The following PHLDB2 variants were observed in gnomAD, a reference collection of about 807,000 sequenced individuals.
The protein encoded by PHLDB2 is pleckstrin homology like domain family B member 2, also known as pleckstrin homology-like domain family B member 2.
A neutral mutation model predicts 123.6 loss-of-function variants in PHLDB2; 71 were observed. The observed-to-expected ratio is 0.57, with a 90% CI of 0.47 to 0.70. PHLDB2 has a LOEUF of 0.70. PHLDB2 is among the 30% of genes least tolerant of loss of function. The pLI is 0.00. For missense variants in PHLDB2, 1,446 were observed against 1,519.5 expected, an observed-to-expected ratio of 0.95 and a Z score of 0.80; for synonymous variants, 547 against 541.6, an observed-to-expected ratio of 1.01 and a Z score of -0.14.
At position 111,885,368 on chromosome 3, in the gene PHLDB2, C is replaced by A. The variant is rs772379628; in HGVS notation, c.1291C>A (p.Arg431=). 5.6e-6 allele frequency: 9 copies of A among 1,613,932 alleles called. No homozygotes were observed. In the African/African-American group the frequency reaches 1.2e-4, roughly 22 times the overall value. ...GRDDLMDYHR[R]QREERLREQE... is the part of the protein sequence containing the mutation. ...TGATGACCTGATGGATTATCACCGG[C>A]GGCAGAGGGAGGAAAGACTCAGGGA... Residue 431 remains arginine, a synonymous_variant, in exon 2 of 18, where the codon CGG becomes AGG. Transcript: ENST00000431670.
At chr3:111,816,605 G>A (rs891941082) in intron 1 of PHLDB2, among the ~76,000 whole-genome samples, 25 of 152,134 alleles carry the variant, frequency 1.6e-4, no homozygotes, top group African/African-American at 5.8e-4. Context: ...TTATATCTAG[G>A]AAGTAATTAA....
chr3:111,753,562 T>C (rs2059824343), intron 1 of PHLDB2, among the ~76,000 whole-genome samples: 4 of 152,076 alleles, frequency 2.6e-5, no homozygotes, highest in African/African-American at 9.7e-5. Flanking sequence ...CTTTGTCAGA[T>C]GAGTAGGTTG....
intron 2 of PHLDB2, among the ~76,000 whole-genome samples, chr3:111,851,927 T>C (rs575826377): frequency 2.0e-5 from 3 of 151,670 alleles, no homozygotes; most frequent in Admixed American, 2.0e-4. Context: ...TTGCTCATGG[T>C]CTTTCCTCTG....
intron 1 of PHLDB2, among the ~76,000 whole-genome samples, chr3:111,745,290 A>T (rs2059663669): frequency 6.6e-6 from 1 of 152,238 alleles, no homozygotes; most frequent in Non-Finnish European, 1.5e-5. Context: ...GTGAAAAAAC[A>T]GATATTAAAT....
intron 1 of PHLDB2, among the ~76,000 whole-genome samples, chr3:111,735,201 T>C (rs991309838): frequency 3.3e-5 from 5 of 152,180 alleles, no homozygotes; most frequent in African/African-American, 1.2e-4. Flanking sequence ...CATTTAAATC[T>C]AAGAGACTTG....
At chr3:111,841,082 T>C (rs1316281007) in intron 1 of PHLDB2, among the ~76,000 whole-genome samples, 1 of 152,148 alleles carries the variant, frequency 6.6e-6, no homozygotes, top group Non-Finnish European at 1.5e-5. Context: ...GAATTTATAA[T>C]TTTATTTAAT....
intron 2 of PHLDB2, among the ~76,000 whole-genome samples, chr3:111,849,922 C>T (rs985926990): frequency 6.0e-5 from 9 of 150,892 alleles, no homozygotes; most frequent in African/African-American, 2.0e-4. Context: ...AGTGCAGTGG[C>T]GCGATCTCGG....
At chr3:111,896,859 TAGA>T (rs1033169132) in intron 2 of PHLDB2, among the ~76,000 whole-genome samples, 2 of 152,092 alleles carry the variant, frequency 1.3e-5, no homozygotes, top group African/African-American at 4.8e-5. Context: ...AGGTGCTTAT[TAGA>T]AGTCACTTAA....
intron 1 of PHLDB2, among the ~76,000 whole-genome samples, chr3:111,771,560 C>T (rs1325934079): frequency 1.3e-5 from 2 of 152,228 alleles, no homozygotes; most frequent in African/African-American, 2.4e-5. Context: ...AGACTGGTCT[C>T]GAACTCCTGG....
At chr3:111,791,196 A>G (rs2060904268) in intron 1 of PHLDB2, among the ~76,000 whole-genome samples, 1 of 152,168 alleles carries the variant, frequency 6.6e-6, no homozygotes, top group Admixed American at 6.5e-5. Context: ...GTTATAATAA[A>G]TTTCTATATA....
chr3:111,923,163 T>G (rs1410261568), intron 5 of PHLDB2, among the ~76,000 whole-genome samples: 1 of 152,194 alleles, frequency 6.6e-6, no homozygotes, highest in Admixed American at 6.5e-5. Context: ...TTCTTCCCAC[T>G]CCAGTTGGCT....
chr3:111,772,351 C>T (rs2060193218), intron 1 of PHLDB2, among the ~76,000 whole-genome samples: 1 of 151,778 alleles, frequency 6.6e-6, no homozygotes, highest in African/African-American at 2.4e-5. Flanking sequence ...TATATTTAGA[C>T]TATATTAACA....
intron 1 of PHLDB2, among the ~76,000 whole-genome samples, chr3:111,749,259 A>C (rs1014494201): frequency 5.9e-5 from 9 of 152,176 alleles, no homozygotes; most frequent in African/African-American, 9.7e-5. Flanking sequence ...CTATGATAGC[A>C]CAGAAATCAC....
chr3:111,786,632 T>C (rs1048102238), intron 1 of PHLDB2, among the ~76,000 whole-genome samples: 7 of 152,158 alleles, frequency 4.6e-5, no homozygotes, highest in African/African-American at 1.4e-4. Flanking sequence ...AGACAGAGCA[T>C]CGGCAACTTA....
chr3:111,844,123 ATCCTCTCTCTATTCTCCC>A (rs1307523778), intron 1 of PHLDB2, among the ~76,000 whole-genome samples: 1 of 152,124 alleles, frequency 6.6e-6, no homozygotes, highest in African/African-American at 2.4e-5. Context: ...TCTTGACCTC[ATCCTCTCTCTATTCTCCC>A]AGGACATTCC....
chr3:111,750,298 A>G (rs958388195), intron 1 of PHLDB2, among the ~76,000 whole-genome samples: 3 of 152,264 alleles, frequency 2.0e-5, no homozygotes, highest in African/African-American at 7.2e-5. Context: ...AGAAAGAAAT[A>G]CAAAACATTT....
intron 1 of PHLDB2, among the ~76,000 whole-genome samples, chr3:111,812,619 T>C (rs2061891152): frequency 6.6e-6 from 1 of 152,146 alleles, no homozygotes; most frequent in Admixed American, 6.5e-5. Flanking sequence ...AGTATGATCA[T>C]CCTAGGACAG....
At chr3:111,802,061 G>C (rs2061397837) in intron 1 of PHLDB2, among the ~76,000 whole-genome samples, 1 of 152,194 alleles carries the variant, frequency 6.6e-6, no homozygotes, top group South Asian at 2.1e-4. Flanking sequence ...AAATTAACCA[G>C]GATAGAAAGA....
chr3:111,930,722 C>T (rs73230448), intron 5 of PHLDB2, among the ~76,000 whole-genome samples: 27,028 of 152,012 alleles, frequency 0.18, 2,627 homozygotes, highest in South Asian at 0.22. Context: ...AATGCCATTG[C>T]TTTCTCCAAC....
Sources: gnomAD v4.1 joint callset for allele counts (sites outside exome capture counted in the v4.1 genomes callset) on GRCh38, gnomAD v4.1.1 for gene constraint, MANE v1.5 for transcripts, NCBI Gene and HGNC (gene_info 2026-07-23, HGNC 2026-07-21) for gene names.